Variants in RIMKLB observed in about 807,000 individuals in gnomAD.
The protein encoded by RIMKLB is beta-citrylglutamate synthase B.
RIMKLB carries 7 observed loss-of-function variants against 32.0 expected under a neutral mutation model. That is an observed-to-expected ratio of 0.22 (90% CI 0.12 to 0.41). The LOEUF is 0.41. RIMKLB is among the 10% of genes least tolerant of loss of function. The probability of loss-of-function intolerance (pLI) is 1.00; values close to 1 mark genes in which losing one functional copy is unlikely to be tolerated. For synonymous variants in RIMKLB, 172 were observed against 185.1 expected, an observed-to-expected ratio of 0.93 and a Z score of 0.57; for missense variants, 289 against 498.7, an observed-to-expected ratio of 0.58 and a Z score of 4.00.
At chr12:8,745,420 GT>G (rs1417197708) in intron 2 of RIMKLB, among the ~76,000 whole-genome samples, 8 of 151,062 alleles carry the variant, frequency 5.3e-5, no homozygotes, top group Non-Finnish European at 1.2e-4. Context: ...TTGAGATGGT[GT>G]TTCACTCTTG....
chr12:8,748,070 TATA>T (rs1335764540), intron 2 of RIMKLB, among the ~76,000 whole-genome samples: 1 of 152,192 alleles, frequency 6.6e-6, no homozygotes, highest in Non-Finnish European at 1.5e-5. Context: ...TTTAAGTGAT[TATA>T]TATCTATATA....
the RIMKLB span, among the ~76,000 whole-genome samples, chr12:8,675,263 T>C: frequency 1.3e-5 from 2 of 152,214 alleles, no homozygotes; most frequent in African/African-American, 4.8e-5. Context: ...GAAACATTAG[T>C]CATTGCTGAC....
At chr12:8,720,463 A>G (rs1156228750) in intron 2 of RIMKLB, among the ~76,000 whole-genome samples, 1 of 152,212 alleles carries the variant, frequency 6.6e-6, no homozygotes, top group Non-Finnish European at 1.5e-5. Flanking sequence ...TCAGGAGTCT[A>G]GTAGAATTAA....
At chr12:8,670,766 C>T in the RIMKLB span, among the ~76,000 whole-genome samples, 12 of 152,264 alleles carry the variant, frequency 7.9e-5, no homozygotes, top group African/African-American at 2.7e-4. Context: ...ACACATTTCC[C>T]TTCTGCACTG....
chr12:8,722,401 A>T (rs1268450030), intron 2 of RIMKLB, among the ~76,000 whole-genome samples: 1 of 152,152 alleles, frequency 6.6e-6, no homozygotes, highest in African/African-American at 2.4e-5. Context: ...GTAGGTCTCA[A>T]CAGTGGGCTA....
intron 1 of RIMKLB, among the ~76,000 whole-genome samples, chr12:8,689,536 C>T (rs1175707960): frequency 6.6e-6 from 1 of 152,182 alleles, no homozygotes. Context: ...TTGTTTCATT[C>T]AGCCATATTT....
intron 2 of RIMKLB, among the ~76,000 whole-genome samples, chr12:8,746,378 C>A (rs985413797): frequency 4.0e-5 from 6 of 151,580 alleles, no homozygotes; most frequent in Non-Finnish European, 5.9e-5. Flanking sequence ...GTGTGCAGAT[C>A]ACCTGAGGTC....
At chr12:8,677,657 C>T (rs185058989), upstream of RIMKLB, among the ~76,000 whole-genome samples, 2 of 152,244 alleles carry the variant, frequency 1.3e-5, no homozygotes, top group East Asian at 1.9e-4. Flanking sequence ...AGGATGCGGA[C>T]GAAACTCCTT....
chr12:8,775,486 TC>T lies in RIMKLB; in HGVS notation c.*1704del, dbSNP rs1950677038. 1 of 985,686 alleles carries T rather than the reference TC, an allele frequency of 1.0e-6. No individual in the cohort carries two copies. The highest frequency in any genetic ancestry group is 1.2e-6 in the Non-Finnish European group (1 of 829,906). The allele number at this position is 985,686 out of a possible 1,614,324, so 61.1% of individuals were successfully genotyped here. A position where few individuals can be genotyped will look rare whatever the true frequency, so the allele number is the denominator to read the frequency against. ...AGCAAGTTTTCCATCTCCCTACGAA[TC>T]CTCTGAAGCTTTTACCCAAGCCCTT... On this transcript the variant is annotated 3_prime_UTR_variant, in exon 6 of 6. Transcript: ENST00000535829.
chr12:8,694,751 T>G (rs1159573999), upstream of RIMKLB, among the ~76,000 whole-genome samples: 1 of 152,228 alleles, frequency 6.6e-6, no homozygotes, highest in Non-Finnish European at 1.5e-5. Context: ...AGTGTTTTGG[T>G]GCAGGCAAAG....
In RIMKLB at chr12:8,722,194, C is replaced by G. The variant is rs370691139; in HGVS notation, c.175+8153C>G. 8.0e-5 allele frequency among the ~76,000 whole-genome samples: 12 copies of G among 149,276 alleles called. No individual in the cohort carries two copies. In the East Asian group the frequency reaches 1.2e-3, roughly 15 times the overall value. On this transcript the variant is annotated intron_variant, in intron 2 of 5. Transcript: ENST00000535829. Reference sequence around the variant, plus strand: ...ATAAGATTTGAAAGTAGAAATTACTCCTGTTTGTCAGCTGTCTCACAGAGC... The same window carrying G: ...ATAAGATTTGAAAGTAGAAATTACTGCTGTTTGTCAGCTGTCTCACAGAGC...
chr12:8,669,711 A>C, the RIMKLB span, among the ~76,000 whole-genome samples: 1 of 152,068 alleles, frequency 6.6e-6, no homozygotes, highest in Non-Finnish European at 1.5e-5. Flanking sequence ...AAGGGACAGG[A>C]CAGAAGGAAG....
chr12:8,757,397 G>C (rs1289776618), intron 5 of RIMKLB, among the ~76,000 whole-genome samples: 1 of 149,588 alleles, frequency 6.7e-6, no homozygotes, highest in Non-Finnish European at 1.5e-5. Context: ...GCCAGACGTG[G>C]TGATTCACAC....
chr12:8,753,770 TAAAAA>T, intron 4 of RIMKLB, 115 bp from the exon 5 acceptor site: 2 of 719,670 alleles, frequency 2.8e-6, no homozygotes, highest in Non-Finnish European at 4.5e-6. Flanking sequence ...AAAGAAAACT[TAAAAA>T]AAAAATGTAG....
intron 3 of RIMKLB, among the ~76,000 whole-genome samples, chr12:8,750,557 T>C (rs1276736804): frequency 6.6e-6 from 1 of 152,208 alleles, no homozygotes; most frequent in Non-Finnish European, 1.5e-5. Context: ...AACTCAAATA[T>C]TTTAATGTTT....
At chr12:8,694,826 A>C (rs920776154), upstream of RIMKLB, among the ~76,000 whole-genome samples, 2 of 152,268 alleles carry the variant, frequency 1.3e-5, no homozygotes, top group African/African-American at 4.8e-5. Flanking sequence ...ACTCATAGGG[A>C]TATGCAATAA....
intron 1 of RIMKLB, among the ~76,000 whole-genome samples, chr12:8,684,318 A>C (rs1942502588): frequency 6.6e-6 from 1 of 150,416 alleles, no homozygotes; most frequent in Non-Finnish European, 1.5e-5. Context: ...GACTACAGGC[A>C]CACGCCACCA....
chr12:8,755,527 A>T (rs1262065250), intron 5 of RIMKLB, among the ~76,000 whole-genome samples: 1 of 152,190 alleles, frequency 6.6e-6, no homozygotes, highest in Non-Finnish European at 1.5e-5. Flanking sequence ...ATCTCTACTC[A>T]GAATGTTTCC....
intron 2 of RIMKLB, among the ~76,000 whole-genome samples, chr12:8,727,186 T>G (rs1946095126): frequency 6.6e-6 from 1 of 152,198 alleles, no homozygotes; most frequent in Admixed American, 6.5e-5. Flanking sequence ...CACAGAGTGA[T>G]TATACACGCA....
Sources: gnomAD v4.1 joint callset for allele counts (sites outside exome capture counted in the v4.1 genomes callset) on GRCh38, gnomAD v4.1.1 for gene constraint, MANE v1.5 for transcripts, NCBI Gene and HGNC (gene_info 2026-07-23, HGNC 2026-07-21) for gene names.